The following CHL1 variants were observed in gnomAD, a reference collection of about 807,000 sequenced individuals.
CHL1 encodes neural cell adhesion molecule L1-like protein.
CHL1 carries 96 observed loss-of-function variants against 141.9 expected under a neutral mutation model. That is an observed-to-expected ratio of 0.68 (90% confidence interval 0.57 to 0.80). CHL1 has a LOEUF of 0.80. Among genes scored for constraint, CHL1 ranks in the 30% least tolerant of loss-of-function variants. The probability of loss-of-function intolerance (pLI) is 0.00; values close to 1 mark genes in which losing one functional copy is unlikely to be tolerated. For synonymous variants in CHL1, 613 were observed against 502.2 expected (o/e 1.22, Z -2.95); for missense variants, 1,820 against 1,457.2 (o/e 1.25, Z -4.05).
At chr3:315,629 G>A (rs917194262) in intron 2 of CHL1, among the ~76,000 whole-genome samples, 31 of 151,938 alleles carry the variant, frequency 2.0e-4, no homozygotes, top group African/African-American at 7.5e-4. Flanking sequence ...TGTTGTGTTG[G>A]AAGTTGCCCT....
intron 15 of CHL1, among the ~76,000 whole-genome samples, chr3:370,607 A>G (rs972907470): frequency 7.4e-5 from 11 of 148,878 alleles, no homozygotes; most frequent in African/African-American, 2.2e-4. Flanking sequence ...GTCTCCTTCA[A>G]TTCTGCTCTG....
intron 11 of CHL1, 21 bp downstream of exon 11, chr3:354,792 C>A (rs1396644332): frequency 6.2e-7 from 1 of 1,612,048 alleles, no homozygotes; most frequent in Admixed American, 1.7e-5. Context: ...AAACCAATTG[C>A]AATGCAATGC....
At chr3:346,795 T>C (rs1003324463) in intron 9 of CHL1, among the ~76,000 whole-genome samples, 1 of 152,182 alleles carries the variant, frequency 6.6e-6, no homozygotes, top group African/African-American at 2.4e-5. Flanking sequence ...TAAAAAACTC[T>C]TTCTAAGAAG....
At chr3:379,717 T>C (rs1706793163) in intron 16 of CHL1, among the ~76,000 whole-genome samples, 1 of 152,176 alleles carries the variant, frequency 6.6e-6, no homozygotes, top group African/African-American at 2.4e-5. Flanking sequence ...TACGATTATA[T>C]GTACTGGTTA....
intron 2 of CHL1, among the ~76,000 whole-genome samples, chr3:307,925 G>C (rs944971154): frequency 3.3e-5 from 5 of 152,172 alleles, no homozygotes; most frequent in Non-Finnish European, 5.9e-5. Flanking sequence ...TTTCAGAAAA[G>C]TTAATGATTT....
chr3:286,608 C>CT (rs1340923430), intron 2 of CHL1, among the ~76,000 whole-genome samples: 1 of 77,156 alleles, frequency 1.3e-5, no homozygotes, highest in Non-Finnish European at 2.2e-5. Context: ...GAGACTTTGT[C>CT]TCAAAAAAAA....
At chr3:279,517 G>A (rs891174552) in intron 2 of CHL1, among the ~76,000 whole-genome samples, 2 of 151,962 alleles carry the variant, frequency 1.3e-5, no homozygotes, top group East Asian at 3.9e-4. Context: ...AACAAATGGT[G>A]CTGTTCTTCC....
At chr3:262,028 A>C (rs1694784736) in intron 2 of CHL1, among the ~76,000 whole-genome samples, 1 of 18,956 alleles carries the variant, frequency 5.3e-5, no homozygotes, top group Admixed American at 5.8e-4. Context: ...CTAGATCTAC[A>C]CAGTACTCAC....
intron 1 of CHL1, among the ~76,000 whole-genome samples, chr3:201,894 T>C (rs1005514174): frequency 2.6e-5 from 4 of 152,214 alleles, no homozygotes; most frequent in African/African-American, 7.2e-5. Flanking sequence ...CATTTTCCTA[T>C]ACAACCTATG....
intron 14 of CHL1, 78 bp from the exon 15 acceptor site, chr3:365,872 G>T (rs1704815192): frequency 5.3e-6 from 6 of 1,138,102 alleles, no homozygotes; most frequent in Non-Finnish European, 7.6e-6. Flanking sequence ...GACAATTTGG[G>T]TTACTTAACT....
At chr3:237,456 C>T (rs988376589) in intron 1 of CHL1, among the ~76,000 whole-genome samples, 3 of 152,178 alleles carry the variant, frequency 2.0e-5, no homozygotes, top group African/African-American at 7.2e-5. Flanking sequence ...AAAATACAGC[C>T]TCCTTTAGAC....
intron 13 of CHL1, among the ~76,000 whole-genome samples, chr3:362,961 C>T (rs1406605146): frequency 3.3e-5 from 5 of 152,112 alleles, no homozygotes; most frequent in South Asian, 2.1e-4. Flanking sequence ...ACATGCAAAC[C>T]GGTGCTGGTG....
chr3:267,984 GAA>G (rs199876509), intron 2 of CHL1, among the ~76,000 whole-genome samples: 1 of 152,070 alleles, frequency 6.6e-6, no homozygotes, highest in African/African-American at 2.4e-5. Context: ...TCTTTCCTAT[GAA>G]AAACCATGCT....
chr3:397,756 A>G (rs1234448146), intron 24 of CHL1, among the ~76,000 whole-genome samples: 1 of 152,130 alleles, frequency 6.6e-6, no homozygotes, highest in Non-Finnish European at 1.5e-5. Context: ...TAAATTTCAA[A>G]TATTTAATAT....
intron 5 of CHL1, among the ~76,000 whole-genome samples, chr3:337,646 T>C (rs1702009545): frequency 6.6e-6 from 1 of 152,146 alleles, no homozygotes; most frequent in Non-Finnish European, 1.5e-5. Flanking sequence ...GATAATTTGC[T>C]GATAATGATG....
At chr3:231,634 G>A (rs552860948) in intron 1 of CHL1, among the ~76,000 whole-genome samples, 1 of 134,546 alleles carries the variant, frequency 7.4e-6, no homozygotes, top group East Asian at 2.3e-4. Flanking sequence ...CTGGAGTGCA[G>A]TGGCACAATC....
At chr3:347,843 C>T (rs1489658831) in intron 9 of CHL1, among the ~76,000 whole-genome samples, 2 of 152,182 alleles carry the variant, frequency 1.3e-5, no homozygotes, top group African/African-American at 4.8e-5. Context: ...GTGCCATGTG[C>T]TCTTAGCCTG....
chr3:346,465 T>C (rs1257019055), intron 9 of CHL1, among the ~76,000 whole-genome samples: 1 of 152,238 alleles, frequency 6.6e-6, no homozygotes, highest in Non-Finnish European at 1.5e-5. Flanking sequence ...TGATCCTTTC[T>C]GTAATTCTTT....
intron 11 of CHL1, among the ~76,000 whole-genome samples, chr3:355,443 G>A (rs1450368346): frequency 2.6e-5 from 4 of 152,198 alleles, no homozygotes; most frequent in African/African-American, 9.6e-5. Flanking sequence ...ACCATGCTCA[G>A]CATAGAGCTC....
Sources: allele counts gnomAD v4.1 joint callset (sites outside exome capture counted in the v4.1 genomes callset), GRCh38; gene constraint gnomAD v4.1.1; transcripts MANE v1.5; gene names NCBI Gene and HGNC (gene_info 2026-07-23, HGNC 2026-07-21).